The following MTRF1 variants were observed in gnomAD, a reference collection of about 807,000 sequenced individuals.
MTRF1 encodes peptide chain release factor 1, mitochondrial.
MTRF1 carries 51 observed loss-of-function variants against 62.9 expected under a neutral mutation model. That is an observed-to-expected ratio of 0.81 (90% CI 0.65 to 1.02). The LOEUF (loss-of-function observed/expected upper bound fraction) is 1.02. MTRF1 is among the 50% of genes least tolerant of loss of function. MTRF1 has a pLI of 0.00. For synonymous variants in MTRF1, 158 were observed against 181.9 expected, an observed-to-expected ratio of 0.87 and a Z score of 1.06; for missense variants, 446 against 530.0, an observed-to-expected ratio of 0.84 and a Z score of 1.56.
chr13:41,232,927 A>C (rs1396239188), intron 7 of MTRF1, among the ~76,000 whole-genome samples: 2 of 152,224 alleles, frequency 1.3e-5, no homozygotes, highest in African/African-American at 4.8e-5. Flanking sequence ...ATGAAAAATC[A>C]ATGAGGTAAT....
the MTRF1 span, among the ~76,000 whole-genome samples, chr13:41,299,531 C>A: frequency 1.3e-5 from 2 of 152,118 alleles, no homozygotes; most frequent in Non-Finnish European, 2.9e-5. Context: ...GCTGTGAATA[C>A]TAAACAGGAA....
At chr13:41,302,409 T>TC in the MTRF1 span, among the ~76,000 whole-genome samples, 2 of 29,166 alleles carry the variant, frequency 6.9e-5, no homozygotes, top group Admixed American at 1.2e-3. Flanking sequence ...GAGAGAGACC[T>TC]TTGTTCTCAG....
upstream of MTRF1, among the ~76,000 whole-genome samples, chr13:41,265,144 C>A (rs556515613): frequency 6.6e-6 from 1 of 152,204 alleles, no homozygotes; most frequent in South Asian, 2.1e-4. Flanking sequence ...TAGTCTTAGT[C>A]GGGCGTGGTG....
rs766410594 is a variant in MTRF1 at position 41,259,002 on chromosome 13, T to TA, written c.415+1490dup. On this transcript the variant is annotated intron_variant, in intron 2 of 9. Coordinates refer to ENST00000379480, the MANE Select transcript of MTRF1 (RefSeq NM_004294.4). ...CCAAGATGATACACAAATGGCCAAA[T>TA]AAGCACCAGAAAAGATGCTCAACAT... is the stretch of plus-strand genomic sequence containing the variant. Among the ~76,000 whole-genome samples the TA allele has an allele frequency of 5.3e-5, 8 of 152,214 alleles. No individual in the cohort carries two copies. The East Asian group carries it at 9.6e-4, about 18-fold the overall frequency.
chr13:41,295,065 G>A, the MTRF1 span, among the ~76,000 whole-genome samples: 1 of 152,122 alleles, frequency 6.6e-6, no homozygotes, highest in Admixed American at 6.5e-5. Flanking sequence ...GTGATTTGCA[G>A]GTCACATGTG....
At position 41,216,498 on chromosome 13, in the gene MTRF1, G is replaced by A. The variant is rs1202351344; in HGVS notation, c.*617C>T. On this transcript the variant is annotated 3_prime_UTR_variant, in exon 10 of 10. Coordinates refer to ENST00000379480, the MANE Select transcript of MTRF1 (RefSeq NM_004294.4). ...TATTCTTCATAATTTTTATTTAAAAGTTGCAGTCTAAGTCTTAACTTTAAC... is the reference window on the plus strand; with the variant it reads ...TATTCTTCATAATTTTTATTTAAAAATTGCAGTCTAAGTCTTAACTTTAAC... 6.6e-6 allele frequency: 1 copy of A among 152,038 alleles called. No individual in the cohort carries two copies. Among genetic ancestry groups the A allele is most frequent in the Admixed American group, 6.6e-5 (1 of 15,256 alleles). The allele number at this position is 152,038 out of a possible 1,614,324, so 9.4% of individuals were successfully genotyped here. A position where few individuals can be genotyped will look rare whatever the true frequency, so the allele number is the denominator to read the frequency against.
chr13:41,225,724 G>A (rs1488881744), intron 8 of MTRF1, among the ~76,000 whole-genome samples: 1 of 149,956 alleles, frequency 6.7e-6, no homozygotes, highest in African/African-American at 2.5e-5. Flanking sequence ...CAGGAGAATC[G>A]CTTGAACCAG....
At chr13:41,289,534 C>A in the MTRF1 span, among the ~76,000 whole-genome samples, 1 of 152,166 alleles carries the variant, frequency 6.6e-6, no homozygotes, top group Non-Finnish European at 1.5e-5. Flanking sequence ...CCGTGCCCAG[C>A]CGAAAAGTGG....
chr13:41,290,256 G>A, the MTRF1 span, among the ~76,000 whole-genome samples: 4 of 148,444 alleles, frequency 2.7e-5, no homozygotes, highest in Admixed American at 1.4e-4. Flanking sequence ...CACCACCTAC[G>A]TCCGGCTAAT....
intron 9 of MTRF1, among the ~76,000 whole-genome samples, chr13:41,219,696 A>G (rs7317388): frequency 0.61 from 92,842 of 152,056 alleles, 28,790 homozygotes; most frequent in Admixed American, 0.65. Flanking sequence ...GGGCATTTCC[A>G]TCAAAAGAAG....
chr13:41,299,510 C>T, the MTRF1 span, among the ~76,000 whole-genome samples: 6 of 152,036 alleles, frequency 3.9e-5, no homozygotes, highest in Non-Finnish European at 8.8e-5. Context: ...TAGATATTTG[C>T]ATGAGGAGGT....
chr13:41,294,410 C>G, the MTRF1 span, among the ~76,000 whole-genome samples: 1 of 139,120 alleles, frequency 7.2e-6, no homozygotes. Context: ...GAGTGAGACT[C>G]CATCTCAAAA....
chr13:41,282,696 C>A, the MTRF1 span, among the ~76,000 whole-genome samples: 1 of 152,182 alleles, frequency 6.6e-6, no homozygotes. Context: ...GTGGCTGGAC[C>A]TGAGTTTAGT....
At chr13:41,267,074 A>G (rs904929426), upstream of MTRF1, among the ~76,000 whole-genome samples, 1 of 149,986 alleles carries the variant, frequency 6.7e-6, no homozygotes, top group African/African-American at 2.4e-5. Flanking sequence ...GTTTGTTAAT[A>G]TCAGGATTCA....
At chr13:41,284,607 T>C in the MTRF1 span, among the ~76,000 whole-genome samples, 9 of 152,112 alleles carry the variant, frequency 5.9e-5, no homozygotes, top group African/African-American at 1.7e-4. Flanking sequence ...GGCAGTTTAC[T>C]TTAATAGTCA....
chr13:41,228,862 C>T (rs2034983380), intron 7 of MTRF1, among the ~76,000 whole-genome samples: 1 of 152,156 alleles, frequency 6.6e-6, no homozygotes, highest in Admixed American at 6.5e-5. Context: ...ATATAGTTCT[C>T]ACTTTGAATT....
the MTRF1 span, among the ~76,000 whole-genome samples, chr13:41,274,796 C>T: frequency 2.6e-4 from 39 of 152,036 alleles, no homozygotes; most frequent in East Asian, 1.2e-3. Flanking sequence ...CCACCACACC[C>T]GGCTAATTTT....
At chr13:41,294,427 A>G in the MTRF1 span, among the ~76,000 whole-genome samples, 1 of 151,698 alleles carries the variant, frequency 6.6e-6, no homozygotes, top group Non-Finnish European at 1.5e-5. Flanking sequence ...AAAAAAAAAA[A>G]AAAAAGAAAG....
At chr13:41,266,349 C>T (rs867405573), upstream of MTRF1, among the ~76,000 whole-genome samples, 9 of 152,264 alleles carry the variant, frequency 5.9e-5, no homozygotes, top group Non-Finnish European at 7.4e-5. Context: ...TGGTGGCTCA[C>T]GCCTGTAACC....
Sources: allele counts gnomAD v4.1 joint callset (sites outside exome capture counted in the v4.1 genomes callset), GRCh38; gene constraint gnomAD v4.1.1; transcripts MANE v1.5; gene names NCBI Gene and HGNC (gene_info 2026-07-23, HGNC 2026-07-21).